The following GRM8 variants were observed in gnomAD, a reference collection of about 807,000 sequenced individuals.
GRM8 encodes metabotropic glutamate receptor 8.
A neutral mutation model predicts 87.2 loss-of-function variants in GRM8; 47 were observed. The ratio of observed to expected loss-of-function variants is 0.54; its 90% CI spans 0.43 to 0.69. The LOEUF (loss-of-function observed/expected upper bound fraction) is 0.69. Among genes scored for constraint, GRM8 ranks in the 30% least tolerant of loss-of-function variants. The probability of loss-of-function intolerance (pLI) is 0.00; values close to 1 mark genes in which losing one functional copy is unlikely to be tolerated. For synonymous variants in GRM8, 396 were observed against 404.5 expected, an observed-to-expected ratio of 0.98 and a Z score of 0.25; for missense variants, 1,019 against 1,139.2, an observed-to-expected ratio of 0.89 and a Z score of 1.52.
intron 3 of GRM8, among the ~76,000 whole-genome samples, chr7:127,025,270 T>C (rs2299526): frequency 0.056 from 8,470 of 152,120 alleles, 283 homozygotes; most frequent in South Asian, 0.12. Context: ...TCCCCTCTTT[T>C]TACACACTTC....
intron 8 of GRM8, among the ~76,000 whole-genome samples, chr7:126,561,824 T>G (rs1032798795): frequency 1.0e-4 from 14 of 134,604 alleles, no homozygotes; most frequent in African/African-American, 3.9e-4. Flanking sequence ...CCCCTTCCTG[T>G]GTCCATGTGT....
chr7:126,482,551 A>G (rs1419114039), intron 9 of GRM8, among the ~76,000 whole-genome samples: 1 of 152,042 alleles, frequency 6.6e-6, no homozygotes, highest in African/African-American at 2.4e-5. Flanking sequence ...AAGTCACAAA[A>G]AAGACAAACA....
intron 8 of GRM8, among the ~76,000 whole-genome samples, chr7:126,544,815 T>C (rs1373801193): frequency 6.6e-6 from 1 of 152,064 alleles, no homozygotes; most frequent in Non-Finnish European, 1.5e-5. Context: ...GCCTTCAAAG[T>C]ATTTTATGAA....
intron 7 of GRM8, among the ~76,000 whole-genome samples, chr7:126,622,717 C>G (rs58699988): frequency 0.21 from 32,201 of 152,154 alleles, 3,645 homozygotes; most frequent in African/African-American, 0.3. Context: ...GTTCTAATAG[C>G]TCTCAAGAAG....
At chr7:126,838,697 C>T (rs115888043) in intron 6 of GRM8, among the ~76,000 whole-genome samples, 132 of 152,268 alleles carry the variant, frequency 8.7e-4, no homozygotes, top group African/African-American at 3.0e-3. Flanking sequence ...TCTGTAGTTA[C>T]TAACAAACAA....
intron 9 of GRM8, among the ~76,000 whole-genome samples, chr7:126,477,575 G>A (rs1806092082): frequency 1.1e-5 from 1 of 89,438 alleles, no homozygotes. Flanking sequence ...AAGAAAGAAA[G>A]AAAGAGAGAA....
chr7:127,119,527 C>T (rs1044841932), intron 2 of GRM8, among the ~76,000 whole-genome samples: 11 of 151,944 alleles, frequency 7.2e-5, no homozygotes, highest in African/African-American at 2.7e-4. Flanking sequence ...TGCACACACA[C>T]ACACATACAC....
At chr7:126,913,598 A>G (rs983585487) in intron 3 of GRM8, among the ~76,000 whole-genome samples, 1 of 152,222 alleles carries the variant, frequency 6.6e-6, no homozygotes, top group African/African-American at 2.4e-5. Flanking sequence ...GAAACACATA[A>G]ACTCTCTACC....
intron 6 of GRM8, among the ~76,000 whole-genome samples, chr7:126,862,522 T>C (rs1798221871): frequency 6.6e-6 from 1 of 152,064 alleles, no homozygotes; most frequent in African/African-American, 2.4e-5. Flanking sequence ...TTATTTTCCA[T>C]TCCCTACATA....
chr7:126,623,216 ATG>A (rs912529251), intron 7 of GRM8, among the ~76,000 whole-genome samples: 1 of 152,126 alleles, frequency 6.6e-6, no homozygotes, highest in African/African-American at 2.4e-5. Flanking sequence ...TGGGGGAGCT[ATG>A]TGTGTGTGGA....
intron 2 of GRM8, among the ~76,000 whole-genome samples, chr7:127,232,544 C>T (rs1797755602): frequency 6.6e-6 from 1 of 152,108 alleles, no homozygotes; most frequent in Non-Finnish European, 1.5e-5. Context: ...GCAACCACAC[C>T]TGGCCCATCA....
At chr7:126,560,699 A>C (rs1444223470) in intron 8 of GRM8, among the ~76,000 whole-genome samples, 1 of 152,208 alleles carries the variant, frequency 6.6e-6, no homozygotes. Flanking sequence ...AATTCTATAA[A>C]TATCATTTTG....
chr7:126,984,876 C>T (rs769014120), intron 3 of GRM8, among the ~76,000 whole-genome samples: 7 of 152,026 alleles, frequency 4.6e-5, no homozygotes, highest in Non-Finnish European at 8.8e-5. Flanking sequence ...AGAATTATAA[C>T]CTGTTTGGTT....
intron 9 of GRM8, 151 bp downstream of exon 9, chr7:126,532,800 TA>T (rs2150855079): frequency 3.0e-5 from 2 of 67,642 alleles, no homozygotes; most frequent in African/African-American, 1.4e-4. Context: ...TATATATATA[TA>T]TATATATATA....
chr7:127,046,659 T>C (rs1253062263), intron 3 of GRM8, among the ~76,000 whole-genome samples: 1 of 152,230 alleles, frequency 6.6e-6, no homozygotes, highest in Non-Finnish European at 1.5e-5. Flanking sequence ...AATTTGCATA[T>C]TGATTTTATA....
intron 6 of GRM8, among the ~76,000 whole-genome samples, chr7:126,844,272 A>C (rs1355214192): frequency 6.6e-6 from 1 of 152,152 alleles, no homozygotes; most frequent in Non-Finnish European, 1.5e-5. Context: ...TTAAAATCCA[A>C]ATTATTTAGC....
chr7:127,208,710 G>A lies in GRM8; in HGVS notation c.510+33985C>T, dbSNP rs140461126. 8.5e-4 allele frequency among the ~76,000 whole-genome samples: 130 copies of A among 152,140 alleles called. 3 individuals carry two copies. In the South Asian group the frequency reaches 0.026, roughly 30 times the overall value. On this transcript the variant is annotated intron_variant, in intron 2 of 10. Transcript: ENST00000339582. ...ACCTTGCTTGTTCATCTCAACTCTC[G>A]CAGATCTGCCACTTTCTTCAGTCCT...
intron 2 of GRM8, among the ~76,000 whole-genome samples, chr7:127,125,471 A>G (rs1186567854): frequency 6.6e-6 from 1 of 152,012 alleles, no homozygotes; most frequent in Non-Finnish European, 1.5e-5. Flanking sequence ...CCAAACACAA[A>G]TAATAAAACT....
intron 6 of GRM8, among the ~76,000 whole-genome samples, chr7:126,804,854 A>C (rs1035697681): frequency 6.6e-6 from 1 of 152,166 alleles, no homozygotes; most frequent in Non-Finnish European, 1.5e-5. Flanking sequence ...AATTTGTAGG[A>C]CTTTCAGAAT....
Sources: allele counts gnomAD v4.1 joint callset (sites outside exome capture counted in the v4.1 genomes callset), GRCh38; gene constraint gnomAD v4.1.1; transcripts MANE v1.5; gene names NCBI Gene and HGNC (gene_info 2026-07-23, HGNC 2026-07-21).